Variants in FASN observed in about 807,000 individuals in gnomAD.
FASN encodes the protein 3-hydroxyacyl-[acyl-carrier-protein] dehydratase.
A neutral mutation model predicts 250.0 loss-of-function variants in FASN; 50 were observed. The ratio of observed to expected loss-of-function variants is 0.20; its 90% CI spans 0.16 to 0.25. The LOEUF is 0.25. Ranked by LOEUF, FASN falls within the 10% of genes least tolerant of loss-of-function variation. FASN has a pLI of 1.00. For synonymous variants in FASN, 1,909 were observed against 1,584.0 expected (o/e 1.21, Z -4.87); for missense variants, 3,031 against 3,498.5 (o/e 0.87, Z 3.37).
chr17:82,094,577 T>G (rs926636929), intron 3 of FASN, among the ~76,000 whole-genome samples: 2 of 151,346 alleles, frequency 1.3e-5, no homozygotes, highest in Non-Finnish European at 2.9e-5. Flanking sequence ...GATCACGAGG[T>G]CAAGAGATCG....
Position 82,082,918 on chromosome 17 carries a change from C to T in FASN, c.5763G>A (p.Arg1921=). The part of the protein sequence containing the change: ...KLVLTSRSGI[R]TGYQAKQVRR... The stretch of plus-strand genomic sequence containing the variant: ...CAAGCACCCCTGCCGACTCACCTGT[C>T]CGGATCCCGGAGCGAGAAGTCAACA... Residue 1921 remains arginine, a synonymous_variant, in exon 33 of 43, where the codon CGG becomes CGA. Coordinates refer to ENST00000306749, the MANE Select transcript of FASN (RefSeq NM_004104.5). 3 of 1,612,740 alleles carry T rather than the reference C, an allele frequency of 1.9e-6. No individual in the cohort carries two copies. The highest frequency in any genetic ancestry group is 2.2e-5 in the East Asian group (1 of 44,874).
rs558701049 is a variant in FASN, at chr17:82,080,040, G to A, written c.7146+100C>T. On this transcript the variant is annotated intron_variant, in intron 41 of 42. Transcript: ENST00000306749. ...GCTATTAAAGGGGTGAAGTTGGGGGGCCTTTAACGCTCTTCGCGTCCCATC... is the reference window on the plus strand; with the variant it reads ...GCTATTAAAGGGGTGAAGTTGGGGGACCTTTAACGCTCTTCGCGTCCCATC... 16 of 1,263,802 alleles carry A rather than the reference G, an allele frequency of 1.3e-5. No individual in the cohort carries two copies. In the African/African-American group the frequency reaches 1.3e-4, roughly 10 times the overall value. 78.3% of individuals were successfully genotyped at this position (1,263,802 alleles called of 1,614,324 possible).
At chr17:82,094,607 G>A (rs1049280431) in intron 3 of FASN, among the ~76,000 whole-genome samples, 5 of 151,824 alleles carry the variant, frequency 3.3e-5, no homozygotes, top group African/African-American at 1.2e-4. Context: ...TGGCAAACAT[G>A]GTGAAACCCC....
At chr17:82,092,838 C>A in intron 6 of FASN, 26 bp from the exon 7 acceptor site, 2 of 1,582,526 alleles carry the variant, frequency 1.3e-6, no homozygotes, top group Non-Finnish European at 1.7e-6. Context: ...CTCAGTGCTG[C>A]AGCCCCAGCC....
intron 34 of FASN, 52 bp downstream of exon 34, chr17:82,082,475 C>G: frequency 1.2e-6 from 2 of 1,610,236 alleles, no homozygotes; most frequent in South Asian, 1.1e-5. Flanking sequence ...CACCCAGGGT[C>G]CCCCCCTTGG....
intron 18 of FASN, 32 bp from the exon 19 acceptor site, chr17:82,087,893 G>A (rs1207715430): frequency 6.2e-7 from 1 of 1,612,468 alleles, no homozygotes; most frequent in East Asian, 2.2e-5. Flanking sequence ...AGGGCCTGAG[G>A]ACGGGCGGCA....
In FASN at chr17:82,091,058, G is replaced by T. The variant is rs1428226703; in HGVS notation, c.1504C>A (p.Gln502Lys). 6.2e-7 allele frequency: 1 copy of T among 1,611,274 alleles called. No individual in the cohort carries two copies. The highest frequency in any genetic ancestry group is 8.5e-7 in the Non-Finnish European group (1 of 1,179,824). The change falls in exon 10 of 43, where the codon CAG (glutamine) becomes AAG (lysine). Residue 502 changes from glutamine to lysine, a missense_variant. Physicochemically the swap from Gln to Lys is moderately conservative, Grantham distance 53. Coordinates refer to ENST00000306749, the MANE Select transcript of FASN (RefSeq NM_004104.5). ...AGGCTCAGCCCCATCCCGCGCCACT[G>T]TGTGCCCATCCCTGTCCCAGAGAGC... ...LWFICSGMGTQWRGMGLSLMR... is the reference protein window; with the variant it reads ...LWFICSGMGTKWRGMGLSLMR...
chr17:82,086,985 C>G lies in FASN; in HGVS notation c.3427+65G>C, dbSNP rs1222124042. 8.9e-6 allele frequency: 14 copies of G among 1,570,718 alleles called. 1 individual carries two copies. In the South Asian group the frequency reaches 1.5e-4, roughly 17 times the overall value. ...CGTGGAGAAGCAAGTCTGGGGTCAA[C>G]GTGAGGGGAGGCGATCGCTCCTCAT... On this transcript the variant is annotated intron_variant, in intron 21 of 42. Coordinates refer to ENST00000306749, the MANE Select transcript of FASN (RefSeq NM_004104.5).
chr17:82,084,774 G>A lies in FASN; in HGVS notation c.4564+25C>T, dbSNP rs1163008621. ...GCCTTCGGGTGCAGTCTCCCGGGAG[G>A]GGCAGGGCAGTGTCGGGGGCTCACC... On this transcript the variant is annotated intron_variant, in intron 26 of 42. Coordinates refer to ENST00000306749, the MANE Select transcript of FASN (RefSeq NM_004104.5). The A allele has an allele frequency of 1.9e-6, 3 of 1,550,280 alleles. No homozygotes were observed. The South Asian group carries it at 3.6e-5, about 18-fold the overall frequency.
intron 41 of FASN, 134 bp downstream of exon 41, chr17:82,080,006 C>T (rs1246743900): frequency 2.0e-6 from 2 of 1,001,470 alleles, no homozygotes; most frequent in East Asian, 2.5e-5. Flanking sequence ...CCGCATCCGG[C>T]CGGGATCGGC....
intron 5 of FASN, 35 bp from the exon 6 acceptor site, chr17:82,093,054 C>G: frequency 1.2e-6 from 2 of 1,608,758 alleles, no homozygotes; most frequent in Non-Finnish European, 1.7e-6. Flanking sequence ...CGGGGCTCAG[C>G]CCCACGCCGG....
At chr17:82,094,482 G>A (rs1274802103) in intron 3 of FASN, among the ~76,000 whole-genome samples, 1 of 152,060 alleles carries the variant, frequency 6.6e-6, no homozygotes, top group African/African-American at 2.4e-5. Context: ...CCCGGGGAGG[G>A]AGCACCTGGA....
intron 2 of FASN, 65 bp from the exon 3 acceptor site, chr17:82,095,537 T>A: frequency 1.9e-6 from 3 of 1,586,416 alleles, no homozygotes; most frequent in Non-Finnish European, 2.6e-6. Flanking sequence ...CCCTGTGGGG[T>A]GCTGCAGGCC....
chr17:82,091,472 G>A lies in FASN; in HGVS notation c.1242C>T (p.Pro414=), dbSNP rs371480032. ...GACGGGGCAGGGTGGCATGTGGGGC[G>A]GGTGCGGGGGGCGGCTGCGTGTTGG... ...LRPNTQPPPA[P]APHATLPRLL... The change falls in exon 9 of 43, where the codon CCC becomes CCT. Residue 414 remains proline, a synonymous_variant. Transcript: ENST00000306749. The A allele has an allele frequency of 1.2e-5, 19 of 1,604,980 alleles. No homozygotes were observed. In the East Asian group the frequency reaches 2.0e-4, roughly 17 times the overall value.
intron 3 of FASN, among the ~76,000 whole-genome samples, chr17:82,094,686 G>A (rs926926313): frequency 5.9e-5 from 9 of 151,808 alleles, no homozygotes; most frequent in African/African-American, 1.7e-4. Flanking sequence ...CCACTCAGGA[G>A]ACTGAGGCAG....
At chr17:82,091,748 C>T (rs2034213935) in intron 8 of FASN, 64 bp from the exon 9 acceptor site, 5 of 1,421,908 alleles carry the variant, frequency 3.5e-6, no homozygotes, top group Non-Finnish European at 4.7e-6. Context: ...GAGCTGGGGG[C>T]AGGCACCTCC....
chr17:82,084,630 G>A lies in FASN; in HGVS notation c.4651C>T (p.Leu1551=). ...LSSIRWVCSS[L]RHAQPTCPGA... The stretch of plus-strand genomic sequence containing the variant: ...GGGCAGGTGGGCTGGGCATGGCGCA[G>A]CGAGGAGCAGACCCAGCGGATGGAG... Residue 1551 remains leucine (L), a synonymous_variant, in exon 27 of 43, where the codon CTG becomes TTG. Transcript: ENST00000306749. The A allele has an allele frequency of 6.2e-7, 1 of 1,603,448 alleles. No homozygotes were observed. Among genetic ancestry groups the A allele is most frequent in the Non-Finnish European group, 8.5e-7 (1 of 1,175,812 alleles).
intron 3 of FASN, among the ~76,000 whole-genome samples, 176 bp downstream of exon 3, chr17:82,095,144 T>C (rs1003309081): frequency 1.3e-5 from 2 of 152,224 alleles, no homozygotes; most frequent in South Asian, 4.1e-4. Flanking sequence ...GTTGGGAAAC[T>C]GCGGCCTACC....
At chr17:82,095,051 C>T (rs779955153) in intron 3 of FASN, among the ~76,000 whole-genome samples, 1 of 152,174 alleles carries the variant, frequency 6.6e-6, no homozygotes, top group African/African-American at 2.4e-5. Context: ...GCCCCGGCCC[C>T]GGCCCCAGCA....
Sources: gnomAD v4.1 joint callset for allele counts (sites outside exome capture counted in the v4.1 genomes callset) on GRCh38, gnomAD v4.1.1 for gene constraint, MANE v1.5 for transcripts, NCBI Gene and HGNC (gene_info 2026-07-23, HGNC 2026-07-21) for gene names.